Variants in SUCLG2 observed in about 807,000 individuals in gnomAD.
SUCLG2 encodes the protein succinate--CoA ligase [GDP-forming] subunit beta, mitochondrial.
In SUCLG2, 42 loss-of-function variants were observed where a neutral mutation model predicts 47.9. That is an observed-to-expected ratio of 0.88 (90% CI 0.69 to 1.14). SUCLG2 has a LOEUF of 1.14. SUCLG2 is among the 50% of genes most tolerant of loss of function. SUCLG2 has a pLI of 0.00. For missense variants in SUCLG2, 571 were observed against 525.9 expected, an observed-to-expected ratio of 1.09 and a Z score of -0.84; for synonymous variants, 195 against 197.3, an observed-to-expected ratio of 0.99 and a Z score of 0.10.
intron 2 of SUCLG2, among the ~76,000 whole-genome samples, chr3:67,538,988 A>G (rs956047350): frequency 1.3e-5 from 2 of 152,216 alleles, no homozygotes; most frequent in African/African-American, 4.8e-5. Context: ...TAAATATACA[A>G]TCATGTCATC....
chr3:67,368,021 G>A (rs530305738), intron 10 of SUCLG2, among the ~76,000 whole-genome samples: 3 of 152,200 alleles, frequency 2.0e-5, no homozygotes, highest in Admixed American at 6.5e-5. Context: ...ATATTCCACT[G>A]TTTATACACA....
chr3:67,587,434 C>T (rs968592569), intron 2 of SUCLG2, among the ~76,000 whole-genome samples: 1 of 152,184 alleles, frequency 6.6e-6, no homozygotes, highest in East Asian at 1.9e-4. Flanking sequence ...GCATAATAAC[C>T]GTGGCATTTC....
At chr3:67,408,595 G>C (rs7645948) in intron 9 of SUCLG2, 767,363 of 980,260 alleles carry the variant, frequency 0.78, 301,823 homozygotes, top group East Asian at 0.87. Context: ...AGCAGTCAGG[G>C]GAACCTAGGG....
intron 6 of SUCLG2, among the ~76,000 whole-genome samples, 200 bp from the exon 7 acceptor site, chr3:67,509,103 C>A (rs1478933226): frequency 6.6e-6 from 1 of 152,088 alleles, no homozygotes; most frequent in East Asian, 1.9e-4. Flanking sequence ...CTCTAGACAC[C>A]AGAAGAGACC....
chr3:67,397,591 T>C (rs575343490), intron 10 of SUCLG2, among the ~76,000 whole-genome samples: 34 of 152,272 alleles, frequency 2.2e-4, no homozygotes, highest in African/African-American at 7.9e-4. Context: ...ATGGCCATAC[T>C]GCCCAAGGTA....
At chr3:67,414,742 G>C (rs1703002143) in intron 9 of SUCLG2, among the ~76,000 whole-genome samples, 2 of 152,296 alleles carry the variant, frequency 1.3e-5, no homozygotes, top group South Asian at 2.1e-4. Flanking sequence ...CAACTAGGTA[G>C]ATGTATCAAC....
chr3:67,494,932 T>A (rs1342923793), intron 9 of SUCLG2, among the ~76,000 whole-genome samples: 1 of 152,186 alleles, frequency 6.6e-6, no homozygotes, highest in Non-Finnish European at 1.5e-5. Flanking sequence ...TACCCTCAAG[T>A]TAAAAAGATG....
chr3:67,401,350 T>C (rs1575672040), intron 9 of SUCLG2, among the ~76,000 whole-genome samples: 1 of 152,128 alleles, frequency 6.6e-6, no homozygotes, highest in Non-Finnish European at 1.5e-5. Context: ...CTCTTTGATA[T>C]GCTAGAGGTA....
chr3:67,407,103 C>T (rs1411683257), intron 9 of SUCLG2, among the ~76,000 whole-genome samples: 1 of 152,120 alleles, frequency 6.6e-6, no homozygotes, highest in East Asian at 1.9e-4. Flanking sequence ...ACCCTTGTTG[C>T]AGCATGAAAG....
At chr3:67,584,867 T>C (rs150647276) in intron 2 of SUCLG2, among the ~76,000 whole-genome samples, 27 of 152,136 alleles carry the variant, frequency 1.8e-4, no homozygotes, top group African/African-American at 6.5e-4. Context: ...TCACTCACTA[T>C]CACAAGAACA....
chr3:67,375,714 T>C lies in SUCLG2; in HGVS notation c.*30A>G. 1 of 1,591,416 alleles carries C rather than the reference T, an allele frequency of 6.3e-7. No homozygotes were observed. Among genetic ancestry groups the C allele is most frequent in the South Asian group, 1.2e-5 (1 of 86,432 alleles). On this transcript the variant is annotated 3_prime_UTR_variant, in exon 11 of 11. Transcript: ENST00000307227. ...CATCCCTTTTTACGGAAAAATGGCTTTCTTTCTCCATTGGATCAGGACAAA... is the reference window on the plus strand; with the variant it reads ...CATCCCTTTTTACGGAAAAATGGCTCTCTTTCTCCATTGGATCAGGACAAA...
At chr3:67,594,524 C>G (rs1242212444) in intron 2 of SUCLG2, among the ~76,000 whole-genome samples, 1 of 152,204 alleles carries the variant, frequency 6.6e-6, no homozygotes, top group Non-Finnish European at 1.5e-5. Context: ...AAAATCACCT[C>G]CTCAGAGAAG....
At chr3:67,429,405 A>AT (rs1703416418) in intron 9 of SUCLG2, among the ~76,000 whole-genome samples, 5 of 152,292 alleles carry the variant, frequency 3.3e-5, no homozygotes, top group Admixed American at 2.0e-4. Flanking sequence ...AAATGCTGAG[A>AT]TTTTGTCACC....
At chr3:67,612,106 C>T (rs1232415264) in intron 1 of SUCLG2, among the ~76,000 whole-genome samples, 1 of 152,168 alleles carries the variant, frequency 6.6e-6, no homozygotes, top group East Asian at 1.9e-4. Context: ...CACCTGTAAT[C>T]CCAACATCTT....
At chr3:67,477,681 C>A (rs1424837118) in intron 9 of SUCLG2, among the ~76,000 whole-genome samples, 1 of 152,092 alleles carries the variant, frequency 6.6e-6, no homozygotes, top group Non-Finnish European at 1.5e-5. Context: ...GGTGACAGAG[C>A]AAGACTCTGT....
intron 10 of SUCLG2, among the ~76,000 whole-genome samples, chr3:67,377,229 T>C (rs1702053256): frequency 6.6e-6 from 1 of 152,222 alleles, no homozygotes; most frequent in African/African-American, 2.4e-5. Context: ...ACTTGAACTG[T>C]TCTCTGTAAT....
At chr3:67,553,294 G>T (rs1357760330) in intron 2 of SUCLG2, among the ~76,000 whole-genome samples, 1 of 152,202 alleles carries the variant, frequency 6.6e-6, no homozygotes, top group East Asian at 1.9e-4. Context: ...GCAGGGAATT[G>T]TTCCCTTTGT....
chr3:67,627,555 G>T (rs1330162053), intron 1 of SUCLG2, among the ~76,000 whole-genome samples: 1 of 152,194 alleles, frequency 6.6e-6, no homozygotes, highest in Non-Finnish European at 1.5e-5. Flanking sequence ...TCCTTTCTAG[G>T]TGTTCATTGC....
chr3:67,517,837 C>A (rs183153781), intron 6 of SUCLG2, among the ~76,000 whole-genome samples: 19 of 152,240 alleles, frequency 1.2e-4, no homozygotes, highest in African/African-American at 3.9e-4. Flanking sequence ...AGGACTTTTA[C>A]ACATTATTCT....
Sources: allele counts gnomAD v4.1 joint callset (sites outside exome capture counted in the v4.1 genomes callset), GRCh38; gene constraint gnomAD v4.1.1; transcripts MANE v1.5; gene names NCBI Gene and HGNC (gene_info 2026-07-23, HGNC 2026-07-21).